REV3L: variants seen among roughly 807,000 people sequenced by gnomAD.
The protein encoded by REV3L is DNA polymerase zeta catalytic subunit.
In REV3L, 69 loss-of-function variants were observed where a neutral mutation model predicts 299.4. That is an observed-to-expected ratio of 0.23 (90% CI 0.19 to 0.28). The LOEUF (loss-of-function observed/expected upper bound fraction) is 0.28, where lower values mean the gene tolerates loss of function less well. Ranked by LOEUF, REV3L falls within the 10% of genes least tolerant of loss-of-function variation. The pLI, the probability that REV3L is intolerant of heterozygous loss-of-function variation, is 1.00. For missense variants in REV3L, 3,128 were observed against 3,693.8 expected (o/e 0.85, Z 3.97); for synonymous variants, 1,238 against 1,271.4 (o/e 0.97, Z 0.56).
chr6:111,366,574 CATATG>C (rs993195745), intron 14 of REV3L, among the ~76,000 whole-genome samples: 40 of 152,072 alleles, frequency 2.6e-4, no homozygotes, highest in African/African-American at 9.7e-4. Context: ...GCTTAGAGGA[CATATG>C]ATAAGACTCA....
intron 1 of REV3L, among the ~76,000 whole-genome samples, chr6:111,463,463 T>C (rs950154869): frequency 6.6e-6 from 1 of 152,242 alleles, no homozygotes; most frequent in Non-Finnish European, 1.5e-5. Context: ...AATTAATTTT[T>C]GTACTAAGAA....
chr6:111,382,582 C>A (rs1780939802), intron 9 of REV3L, among the ~76,000 whole-genome samples: 1 of 152,170 alleles, frequency 6.6e-6, no homozygotes. Context: ...TCCCAGCAGT[C>A]CAGAACCTGA....
chr6:111,408,357 C>T (rs1783869215), intron 3 of REV3L, among the ~76,000 whole-genome samples: 1 of 152,160 alleles, frequency 6.6e-6, no homozygotes, highest in African/African-American at 2.4e-5. Flanking sequence ...AATCCCAGCA[C>T]TTTGGGAGCC....
At chr6:111,458,945 A>G (rs967392950) in intron 1 of REV3L, among the ~76,000 whole-genome samples, 5 of 152,134 alleles carry the variant, frequency 3.3e-5, no homozygotes, top group African/African-American at 1.2e-4. Context: ...TAAAATTCAT[A>G]TGGAACCAAA....
chr6:111,391,831 T>G (rs1781965516), intron 5 of REV3L, among the ~76,000 whole-genome samples: 1 of 152,138 alleles, frequency 6.6e-6, no homozygotes, highest in Non-Finnish European at 1.5e-5. Context: ...CTACAAAAAT[T>G]TTTAAAAACT....
At chr6:111,446,185 G>C (rs1788810510) in intron 1 of REV3L, among the ~76,000 whole-genome samples, 1 of 152,116 alleles carries the variant, frequency 6.6e-6, no homozygotes, top group South Asian at 2.1e-4. Context: ...ACTCCCATGA[G>C]AGTTAACAGT....
At chr6:111,473,778 G>C (rs539745518) in intron 1 of REV3L, among the ~76,000 whole-genome samples, 179 of 152,114 alleles carry the variant, frequency 1.2e-3, no homozygotes, top group African/African-American at 4.0e-3. Context: ...CATGTTTCGG[G>C]GGGAGAGGGG....
intron 15 of REV3L, among the ~76,000 whole-genome samples, chr6:111,364,722 A>G (rs1049446211): frequency 1.8e-4 from 27 of 152,038 alleles, no homozygotes; most frequent in Non-Finnish European, 3.5e-4. Flanking sequence ...TGTATGTCTA[A>G]TGTATACTTC....
intron 1 of REV3L, among the ~76,000 whole-genome samples, chr6:111,420,674 G>C (rs1785238063): frequency 6.6e-6 from 1 of 152,210 alleles, no homozygotes; most frequent in Admixed American, 6.5e-5. Context: ...TAATTCAGAA[G>C]CTGCAAAAGT....
chr6:111,322,208 T>C (rs1382648480), intron 26 of REV3L, among the ~76,000 whole-genome samples: 1 of 152,230 alleles, frequency 6.6e-6, no homozygotes, highest in Non-Finnish European at 1.5e-5. Context: ...TTTTAAGATA[T>C]ACACTTAAAT....
chr6:111,315,622 A>G, intron 26 of REV3L: 1 of 465,228 alleles, frequency 2.1e-6, no homozygotes, highest in South Asian at 2.7e-5. Context: ...CAGCTCAGAT[A>G]TCCCAGTAGT....
At chr6:111,424,467 C>A (rs1785932546) in intron 1 of REV3L, among the ~76,000 whole-genome samples, 3 of 152,192 alleles carry the variant, frequency 2.0e-5, no homozygotes, top group Non-Finnish European at 4.4e-5. Context: ...AGGTTTGCAA[C>A]AATTCAAGGC....
chr6:111,394,687 C>A (rs1782291981), intron 4 of REV3L, among the ~76,000 whole-genome samples: 1 of 151,356 alleles, frequency 6.6e-6, no homozygotes, highest in South Asian at 2.1e-4. Flanking sequence ...GACCAATGTC[C>A]CAGAGTATCT....
At chr6:111,416,244 C>A in intron 2 of REV3L, 39 bp downstream of exon 2, 1 of 1,391,134 alleles carries the variant, frequency 7.2e-7, no homozygotes, top group Admixed American at 2.2e-5. Flanking sequence ...AGAATAGCAA[C>A]ATAAACAGAA....
Position 111,299,993 on chromosome 6 carries a change from T to C in REV3L, c.*23A>G, listed in dbSNP as rs756264532. On this transcript the variant is annotated 3_prime_UTR_variant, in exon 32 of 32. Coordinates refer to ENST00000368802, the MANE Select transcript of REV3L (RefSeq NM_001372078.1). ...GGTAAGCACTGAAAAAAATAGCACC[T>C]GTAATACTGTGATATTGACAATTTA... 2.5e-6 allele frequency: 4 copies of C among 1,604,492 alleles called. No individual in the cohort carries two copies. The highest frequency in any genetic ancestry group is 2.6e-6 in the Non-Finnish European group (3 of 1,175,984).
rs1478963688 is a variant in REV3L, at chr6:111,448,771, C to A, written c.140-32299G>T. ...CAGTGTATGGGACTACAGGAGCACA[C>A]CACCACACTTGGCTATTTTTTTTTT... On this transcript the variant is annotated intron_variant, in intron 1 of 31. Transcript: ENST00000368802. Among the ~76,000 whole-genome samples, 5 of 150,924 alleles carry A rather than the reference C, an allele frequency of 3.3e-5. No homozygotes were observed. In the East Asian group the frequency reaches 9.7e-4, roughly 29 times the overall value.
At chr6:111,342,037 A>T (rs529632127) in intron 21 of REV3L, among the ~76,000 whole-genome samples, 4 of 152,054 alleles carry the variant, frequency 2.6e-5, no homozygotes, top group Non-Finnish European at 5.9e-5. Flanking sequence ...AAAACTTAAA[A>T]CCAAATACTG....
chr6:111,391,040 T>C (rs905896104), intron 5 of REV3L, among the ~76,000 whole-genome samples: 9 of 151,932 alleles, frequency 5.9e-5, no homozygotes, highest in Non-Finnish European at 1.0e-4. Flanking sequence ...CATATTTCAT[T>C]AACTTTTGAT....
At chr6:111,405,354 A>T in intron 4 of REV3L, 116 bp downstream of exon 4, 1 of 625,852 alleles carries the variant, frequency 1.6e-6, no homozygotes, top group Non-Finnish European at 2.4e-6. Flanking sequence ...TTCATTCTTT[A>T]GTCACTCAAC....
Sources: gnomAD v4.1 joint callset for allele counts (sites outside exome capture counted in the v4.1 genomes callset) on GRCh38, gnomAD v4.1.1 for gene constraint, MANE v1.5 for transcripts, NCBI Gene and HGNC (gene_info 2026-07-23, HGNC 2026-07-21) for gene names.